TMCO5A: variants seen among roughly 807,000 people sequenced by gnomAD.
The protein encoded by TMCO5A is transmembrane and coiled-coil domain-containing protein 5A.
Under a neutral mutation model 42.3 loss-of-function variants are expected in TMCO5A, and 34 were observed. The observed-to-expected ratio is 0.80, with a 90% CI of 0.61 to 1.07. The LOEUF is 1.07. TMCO5A is among the 50% of genes least tolerant of loss of function. The pLI, the probability that TMCO5A is intolerant of heterozygous loss-of-function variation, is 0.00. For synonymous variants in TMCO5A, 131 were observed against 115.6 expected (o/e 1.13, Z -0.86); for missense variants, 357 against 327.9 (o/e 1.09, Z -0.69).
chr15:37,953,075 G>T (rs1340236751), downstream of TMCO5A, among the ~76,000 whole-genome samples: 1 of 152,162 alleles, frequency 6.6e-6, no homozygotes, highest in African/African-American at 2.4e-5. Flanking sequence ...GACTTCTAAA[G>T]CTCTTGACTC....
intron 11 of TMCO5A, among the ~76,000 whole-genome samples, chr15:37,964,080 T>A (rs1481354641): frequency 1.3e-5 from 2 of 152,182 alleles, no homozygotes; most frequent in African/African-American, 2.4e-5. Flanking sequence ...AGCCTTGTTT[T>A]GTCGTATTAC....
At chr15:37,971,609 T>C (rs542410937), downstream of TMCO5A, among the ~76,000 whole-genome samples, 74 of 152,370 alleles carry the variant, frequency 4.9e-4, no homozygotes, top group African/African-American at 1.7e-3. Flanking sequence ...CAAACTTTTA[T>C]GCTGTTTCCC....
chr15:37,952,650 G>A (rs904011017), downstream of TMCO5A, among the ~76,000 whole-genome samples: 15 of 152,186 alleles, frequency 9.9e-5, no homozygotes, highest in Non-Finnish European at 1.5e-4. Context: ...CCCAGCTATT[G>A]TGGCTATGGG....
chr15:37,964,464 G>GT (rs548786439), intron 11 of TMCO5A, among the ~76,000 whole-genome samples: 177 of 150,740 alleles, frequency 1.2e-3, no homozygotes, highest in Admixed American at 2.9e-3. Context: ...CAGAATTGCT[G>GT]TTTTTTTTTC....
chr15:37,951,572 A>T, downstream of TMCO5A: 1 of 238,226 alleles, frequency 4.2e-6, no homozygotes, highest in Non-Finnish European at 8.1e-6. Flanking sequence ...GAAATACAGA[A>T]GATTACTTAC....
At chr15:37,989,297 CA>C in the TMCO5A span, among the ~76,000 whole-genome samples, 2 of 151,710 alleles carry the variant, frequency 1.3e-5, no homozygotes, top group African/African-American at 2.4e-5. Context: ...TATTATTAAA[CA>C]AAAAAATTTC....
chr15:38,012,129 A>AAAAAAAAAG, the TMCO5A span, among the ~76,000 whole-genome samples: 3 of 152,010 alleles, frequency 2.0e-5, no homozygotes, highest in African/African-American at 7.2e-5. Context: ...GTCTCAAAAA[A>AAAAAAAAAG]AAAAGAAAAA....
downstream of TMCO5A, among the ~76,000 whole-genome samples, chr15:37,955,540 G>T (rs2140803655): frequency 6.6e-6 from 1 of 152,168 alleles, no homozygotes; most frequent in South Asian, 2.1e-4. Context: ...AACATGAAAA[G>T]CTAAATATCC....
At chr15:37,982,912 C>T in the TMCO5A span, among the ~76,000 whole-genome samples, 1 of 151,168 alleles carries the variant, frequency 6.6e-6, no homozygotes, top group Non-Finnish European at 1.5e-5. Context: ...CTGAATCATC[C>T]CCTTGGACAT....
chr15:37,945,786 A>C (rs1889927327), intron 10 of TMCO5A, among the ~76,000 whole-genome samples: 1 of 152,034 alleles, frequency 6.6e-6, no homozygotes, highest in Non-Finnish European at 1.5e-5. Context: ...TGTCAGATGC[A>C]TAGTTTTCAA....
At chr15:37,940,467 G>A (rs1889692862) in intron 6 of TMCO5A, among the ~76,000 whole-genome samples, 1 of 152,084 alleles carries the variant, frequency 6.6e-6, no homozygotes, top group Non-Finnish European at 1.5e-5. Flanking sequence ...TTTAGCTCAA[G>A]TATCATCACA....
chr15:37,949,900 A>G (rs1890100502), intron 11 of TMCO5A, among the ~76,000 whole-genome samples: 2 of 152,156 alleles, frequency 1.3e-5, no homozygotes, highest in South Asian at 4.1e-4. Flanking sequence ...CCAAAATTGC[A>G]GTCATTAAAA....
intron 10 of TMCO5A, among the ~76,000 whole-genome samples, chr15:37,947,432 G>C (rs578194652): frequency 6.6e-6 from 1 of 152,016 alleles, no homozygotes; most frequent in Non-Finnish European, 1.5e-5. Context: ...TTGTCTTTCT[G>C]TGCCTTAGTT....
the TMCO5A span, among the ~76,000 whole-genome samples, chr15:37,973,405 G>C: frequency 6.6e-6 from 1 of 152,068 alleles, no homozygotes; most frequent in Non-Finnish European, 1.5e-5. Context: ...TAACAATATT[G>C]ATTCTTCCTA....
chr15:38,000,851 G>C, the TMCO5A span, among the ~76,000 whole-genome samples: 1 of 152,138 alleles, frequency 6.6e-6, no homozygotes, highest in Admixed American at 6.5e-5. Flanking sequence ...TTTATTCCAT[G>C]TGGTCAGATA....
chr15:37,950,235 A>G (rs1436394942), intron 11 of TMCO5A, among the ~76,000 whole-genome samples: 3 of 150,534 alleles, frequency 2.0e-5, no homozygotes, highest in African/African-American at 7.3e-5. Flanking sequence ...ATCTGTAGAC[A>G]TATTTTTAAA....
At chr15:37,977,517 AG>A in the TMCO5A span, among the ~76,000 whole-genome samples, 6 of 152,236 alleles carry the variant, frequency 3.9e-5, no homozygotes, top group Non-Finnish European at 5.9e-5. Flanking sequence ...CTGATCCAGT[AG>A]ATGGCACTTA....
chr15:37,974,717 T>C, the TMCO5A span, among the ~76,000 whole-genome samples: 5 of 152,180 alleles, frequency 3.3e-5, no homozygotes, highest in Non-Finnish European at 5.9e-5. Flanking sequence ...GTTGACCTTT[T>C]GTATGGTTTT....
At chr15:37,992,187 G>T in the TMCO5A span, among the ~76,000 whole-genome samples, 35,353 of 152,082 alleles carry the variant, frequency 0.23, 9,296 homozygotes, top group African/African-American at 0.65. Context: ...GTGGGCAAAG[G>T]ACATGAACAC....
Sources: gnomAD v4.1 joint callset for allele counts (sites outside exome capture counted in the v4.1 genomes callset) on GRCh38, gnomAD v4.1.1 for gene constraint, MANE v1.5 for transcripts, NCBI Gene and HGNC (gene_info 2026-07-23, HGNC 2026-07-21) for gene names.